The following KIAA0408 variants were observed in gnomAD, a reference collection of about 807,000 sequenced individuals.
KIAA0408 encodes uncharacterized protein KIAA0408.
In KIAA0408, 51 loss-of-function variants were observed where a neutral mutation model predicts 60.9. That is an observed-to-expected ratio of 0.84 (90% CI 0.67 to 1.06). The LOEUF (loss-of-function observed/expected upper bound fraction) is 1.06. Ranked by LOEUF, KIAA0408 falls within the 50% of genes least tolerant of loss-of-function variation. The probability of loss-of-function intolerance (pLI) is 0.00; values close to 1 mark genes in which losing one functional copy is unlikely to be tolerated. For missense variants in KIAA0408, 787 were observed against 833.9 expected (o/e 0.94, Z 0.69); for synonymous variants, 304 against 282.4 (o/e 1.08, Z -0.77).
Position 127,447,221 on chromosome 6 carries a change from C to T in KIAA0408, c.1098G>A (p.Gly366=), listed in dbSNP as rs914231949. ...TAGAGGGGCTCCTTTTTGCACCTAT[C>T]CCAATGTCACATGACCACATGCTAA... ...VGLSMWSCDI[G]IGAKRSPSTS... The change falls in exon 5 of 6, where the codon GGG becomes GGA. Residue 366 remains glycine (G), a synonymous_variant. Transcript: ENST00000483725. 2.7e-5 allele frequency: 44 copies of T among 1,611,954 alleles called. No homozygotes were observed. The highest frequency in any genetic ancestry group is 3.4e-5 in the Non-Finnish European group (40 of 1,179,332).
Position 127,446,820 on chromosome 6 carries a change from T to A in KIAA0408, c.1499A>T (p.His500Leu), listed in dbSNP as rs765834146. 1.1e-5 allele frequency: 17 copies of A among 1,614,056 alleles called. 1 individual carries two copies. The highest frequency in any genetic ancestry group is 1.4e-5 in the Non-Finnish European group (17 of 1,179,982). ...DVSGIWKTNA[H>L]MPVPMENVPD... ...CACATTTTCCATGGGCACAGGCATG[T>A]GGGCATTGGTTTTCCAAATACCGGA... Residue 500 changes from histidine (H) to leucine (L), a missense_variant, in exon 5 of 6, where the codon CAC becomes CTC. Physicochemically the swap from His to Leu is moderately conservative, Grantham distance 99. This residue lies in a region of KIAA0408 where 640 missense variants were observed against 681.3 expected (regional missense o/e 0.94). Coordinates refer to ENST00000483725, the MANE Select transcript of KIAA0408 (RefSeq NM_014702.5).
rs766158768 is a variant in KIAA0408 at position 127,449,833 on chromosome 6, A to G, written c.567T>C (p.Ser189=). Residue 189 remains serine (S), a synonymous_variant, in exon 4 of 6, where the codon TCT becomes TCC. Coordinates refer to ENST00000483725, the MANE Select transcript of KIAA0408 (RefSeq NM_014702.5). The part of the protein sequence containing the change: ...CSFQEEIRKR[S]NHRRMKSDSF... Reference sequence around the variant, plus strand: ...ATGTACCAGCCTACCTTCTATGGTTAGACCGCTTTCGAATTTCCTCTTGAA... The same window carrying G: ...ATGTACCAGCCTACCTTCTATGGTTGGACCGCTTTCGAATTTCCTCTTGAA... 15 of 1,614,038 alleles carry G rather than the reference A, an allele frequency of 9.3e-6. No homozygotes were observed. The highest frequency in any genetic ancestry group is 1.2e-5 in the Non-Finnish European group (14 of 1,179,950).
intron 2 of KIAA0408, among the ~76,000 whole-genome samples, chr6:127,452,579 C>A (rs1367963184): frequency 2.0e-5 from 3 of 152,152 alleles, no homozygotes; most frequent in African/African-American, 4.8e-5. Context: ...ACAGCAGCTT[C>A]TTTTAACTAC....
intron 1 of KIAA0408, among the ~76,000 whole-genome samples, chr6:127,456,899 C>A (rs1029192455): frequency 6.6e-6 from 1 of 151,948 alleles, no homozygotes; most frequent in Admixed American, 6.6e-5. Flanking sequence ...ATACTTGGTT[C>A]TTGTTTTCTT....
In KIAA0408 at chr6:127,441,694, CA is replaced by C. The variant is rs1367121404; in HGVS notation, c.*2414del. 9.2e-5 allele frequency: 14 copies of C among 152,128 alleles called. No homozygotes were observed. Among genetic ancestry groups the C allele is most frequent in the African/African-American group, 3.4e-4 (14 of 41,430 alleles). The allele number at this position is 152,128 out of a possible 1,614,324, so 9.4% of individuals were successfully genotyped here. A position where few individuals can be genotyped will look rare whatever the true frequency, so the allele number is the denominator to read the frequency against. On this transcript the variant is annotated 3_prime_UTR_variant, in exon 6 of 6. Coordinates refer to ENST00000483725, the MANE Select transcript of KIAA0408 (RefSeq NM_014702.5). ...GTAGAAATTTACCAGTTAAAAATCA[CA>C]AAACATCAAAAACTATTTTCAAGGA...
chr6:127,449,822 C>T lies in KIAA0408; in HGVS notation c.578G>A (p.Arg193Lys), dbSNP rs1346755402. Residue 193 changes from arginine (R) to lysine (K), a missense_variant and splice_region_variant, in exon 4 of 6, where the codon AGG becomes AAG. Physicochemically the swap from Arg to Lys is conservative, Grantham distance 26. Around this residue, in one of 3 missense-constraint regions of KIAA0408, gnomAD observed 640 missense variants for 681.3 expected, o/e 0.94. Coordinates refer to ENST00000483725, the MANE Select transcript of KIAA0408 (RefSeq NM_014702.5). ...EEIRKRSNHRRMKSDSFLQEM... is the reference protein window; with the variant it reads ...EEIRKRSNHRKMKSDSFLQEM... ...AAAATAATCAGATGTACCAGCCTAC[C>T]TTCTATGGTTAGACCGCTTTCGAAT... 6.2e-7 allele frequency: 1 copy of T among 1,613,734 alleles called. No homozygotes were observed. Among genetic ancestry groups the T allele is most frequent in the African/African-American group, 1.3e-5 (1 of 74,874 alleles).
intron 2 of KIAA0408, chr6:127,450,704 A>C (rs1773287909): frequency 5.5e-6 from 1 of 180,572 alleles, no homozygotes; most frequent in South Asian, 1.3e-4. Context: ...AATTGCTTTC[A>C]GAGAGATGCA....
In KIAA0408 at chr6:127,442,415, G is replaced by C. The variant is rs1334600331; in HGVS notation, c.*1694C>G. 1 of 152,144 alleles carries C rather than the reference G, an allele frequency of 6.6e-6. No homozygotes were observed. Among genetic ancestry groups the C allele is most frequent in the Admixed American group, 6.5e-5 (1 of 15,278 alleles). 9.4% of individuals were successfully genotyped at this position (152,144 alleles called of 1,614,324 possible). ...GCATATTATGAGAGTGATATTACTTGGTGTCTAGTTTACTTTTCTTTGATA... is the reference window on the plus strand; with the variant it reads ...GCATATTATGAGAGTGATATTACTTCGTGTCTAGTTTACTTTTCTTTGATA... On this transcript the variant is annotated 3_prime_UTR_variant, in exon 6 of 6. Transcript: ENST00000483725.
rs1165579205 is a variant in KIAA0408, at chr6:127,442,062, G to C, written c.*2047C>G. On this transcript the variant is annotated 3_prime_UTR_variant, in exon 6 of 6. Transcript: ENST00000483725. ...CATTCAGAGATCAAGCAATGTCACT[G>C]TTTTCAAATCTGCCTGATCATCAAT... 6.6e-6 allele frequency: 1 copy of C among 152,168 alleles called. No individual in the cohort carries two copies. The highest frequency in any genetic ancestry group is 1.5e-5 in the Non-Finnish European group (1 of 68,034). 9.4% of individuals were successfully genotyped at this position (152,168 alleles called of 1,614,324 possible). A position where few individuals can be genotyped will look rare whatever the true frequency, so the allele number is the denominator to read the frequency against.
At position 127,447,434 on chromosome 6, in the gene KIAA0408, G is replaced by A; in HGVS notation, c.885C>T (p.His295=). The A allele has an allele frequency of 1.2e-6, 2 of 1,613,902 alleles. No homozygotes were observed. Among genetic ancestry groups the A allele is most frequent in the African/African-American group, 1.3e-5 (1 of 75,022 alleles). Residue 295 remains histidine, a synonymous_variant, in exon 5 of 6, where the codon CAC becomes CAT. Transcript: ENST00000483725. ...GACCCTCATGGGGCACCCAGCTGTT[G>A]TGGTCTAACCTTTCCTTCCATCTTT... is the stretch of plus-strand genomic sequence containing the variant. ...AYERWKERLD[H]NSWVPHEGRS... is the part of the protein sequence containing the mutation.
rs1773140539 is a variant in KIAA0408, at chr6:127,443,656, T to A, written c.*453A>T. Reference sequence around the variant, plus strand: ...TACCTATTAAAAGGTATACAAAATATAAACAGTACTGCATATTTTCAAAAC... The same window carrying A: ...TACCTATTAAAAGGTATACAAAATAAAAACAGTACTGCATATTTTCAAAAC... On this transcript the variant is annotated 3_prime_UTR_variant, in exon 6 of 6. Transcript: ENST00000483725. 6.5e-6 allele frequency: 1 copy of A among 154,086 alleles called. No individual in the cohort carries two copies. Among genetic ancestry groups the A allele is most frequent in the South Asian group, 2.0e-4 (1 of 4,956 alleles). The allele number at this position is 154,086 out of a possible 1,614,324, so 9.5% of individuals were successfully genotyped here.
At position 127,444,285 on chromosome 6, in the gene KIAA0408, A is replaced by G. The variant is rs1251168546; in HGVS notation, c.1912-3T>C. 6.4e-7 allele frequency: 1 copy of G among 1,571,218 alleles called. No individual in the cohort carries two copies. Among genetic ancestry groups the G allele is most frequent in the South Asian group, 1.2e-5 (1 of 83,358 alleles). On this transcript the variant is annotated splice_polypyrimidine_tract_variant and splice_region_variant and intron_variant, in intron 5 of 5. Coordinates refer to ENST00000483725, the MANE Select transcript of KIAA0408 (RefSeq NM_014702.5). Reference sequence around the variant, plus strand: ...GAGGCGTTCACTGACATGGATTCCTAGGACACAAGTAAAAACATTCCTCTC... The same window carrying G: ...GAGGCGTTCACTGACATGGATTCCTGGGACACAAGTAAAAACATTCCTCTC...
Position 127,444,156 on chromosome 6 carries a change from T to A in KIAA0408, c.2038A>T (p.Thr680Ser). 1 of 1,613,990 alleles carries A rather than the reference T, an allele frequency of 6.2e-7. No individual in the cohort carries two copies. Among genetic ancestry groups the A allele is most frequent in the African/African-American group, 1.3e-5 (1 of 75,022 alleles). ...CGCAGAGAAATGGTATAGTTGTGGG[T>A]AGTTCTCCGCAAGGCAGGGGGTGCA... ...PSAPPALRRTTHNYTISLRSE... is the reference protein window; with the variant it reads ...PSAPPALRRTSHNYTISLRSE... The change falls in exon 6 of 6, where the codon ACC (threonine) becomes TCC (serine). Residue 680 changes from threonine to serine, a missense_variant. Physicochemically the swap from Thr to Ser is moderately conservative, Grantham distance 58 (BLOSUM62 1). Around this residue, in one of 3 missense-constraint regions of KIAA0408, gnomAD observed 133 missense variants for 119.2 expected, o/e 1.12. Transcript: ENST00000483725.
intron 5 of KIAA0408, among the ~76,000 whole-genome samples, chr6:127,446,113 AT>A (rs898665501): frequency 6.6e-6 from 1 of 152,202 alleles, no homozygotes; most frequent in Admixed American, 6.5e-5. Context: ...CATTCTGAGT[AT>A]TTTTTCAAGA....
Position 127,441,411 on chromosome 6 carries a change from C to T in KIAA0408, c.*2698G>A, listed in dbSNP as rs976503853. Reference sequence around the variant, plus strand: ...AGAACTTATGTGACACTGACACAAACACACACACACACACACACACACAAA... The same window carrying T: ...AGAACTTATGTGACACTGACACAAATACACACACACACACACACACACAAA... On this transcript the variant is annotated 3_prime_UTR_variant, in exon 6 of 6. Transcript: ENST00000483725. 6.8e-6 allele frequency: 1 copy of T among 146,682 alleles called. No individual in the cohort carries two copies. Among genetic ancestry groups the T allele is most frequent in the Admixed American group, 6.8e-5 (1 of 14,634 alleles). The allele number at this position is 146,682 out of a possible 1,614,324, so 9.1% of individuals were successfully genotyped here.
chr6:127,454,336 T>G (rs904819567), intron 1 of KIAA0408: 1 of 179,574 alleles, frequency 5.6e-6, no homozygotes, highest in African/African-American at 2.4e-5. Flanking sequence ...GTGGACAAGA[T>G]GATTAAATGC....
chr6:127,456,555 A>G (rs1773396173), intron 1 of KIAA0408, among the ~76,000 whole-genome samples: 1 of 152,130 alleles, frequency 6.6e-6, no homozygotes, highest in African/African-American at 2.4e-5. Context: ...ATGGAGAAGG[A>G]CCAATGTATG....
In KIAA0408 at chr6:127,446,497, G is replaced by A. The variant is rs1378798080; in HGVS notation, c.1822C>T (p.Leu608Phe). The change falls in exon 5 of 6, where the codon CTC becomes TTC. Residue 608 changes from leucine (L) to phenylalanine (F), a missense_variant. Around this residue, in one of 3 missense-constraint regions of KIAA0408, gnomAD observed 133 missense variants for 119.2 expected, o/e 1.12. Coordinates refer to ENST00000483725, the MANE Select transcript of KIAA0408 (RefSeq NM_014702.5). ...TGCTGAAACTGTTGTTCCATTTGGAGCATTTCTAAATGCTGACTTAATGTG... is the reference window on the plus strand; with the variant it reads ...TGCTGAAACTGTTGTTCCATTTGGAACATTTCTAAATGCTGACTTAATGTG... The part of the protein sequence containing the change: ...GATLSQHLEM[L>F]QMEQQFQQKT... 1.2e-6 allele frequency: 2 copies of A among 1,614,102 alleles called. No individual in the cohort carries two copies. Among genetic ancestry groups the A allele is most frequent in the Non-Finnish European group, 1.7e-6 (2 of 1,180,006 alleles).
chr6:127,450,061 C>G lies in KIAA0408; in HGVS notation c.427G>C (p.Glu143Gln). 1 of 1,614,138 alleles carries G rather than the reference C, an allele frequency of 6.2e-7. No individual in the cohort carries two copies. Reference protein sequence around the residue: ...LDPLATDNQKECEAWPDLRTS... With the variant: ...LDPLATDNQKQCEAWPDLRTS... Reference sequence around the variant, plus strand: ...CTCAGGTCAGGCCAGGCCTCACATTCCTTTTGGTTGTCTGTAGCCAAAGGA... The same window carrying G: ...CTCAGGTCAGGCCAGGCCTCACATTGCTTTTGGTTGTCTGTAGCCAAAGGA... Residue 143 changes from glutamate (E) to glutamine (Q), a missense_variant, in exon 3 of 6, where the codon GAA becomes CAA. By Grantham distance (29) the Glu-to-Gln change is conservative. This residue lies in a region of KIAA0408 where 640 missense variants were observed against 681.3 expected (regional missense o/e 0.94). Coordinates refer to ENST00000483725, the MANE Select transcript of KIAA0408 (RefSeq NM_014702.5).
Sources: gnomAD v4.1 joint callset for allele counts (sites outside exome capture counted in the v4.1 genomes callset) on GRCh38, gnomAD v4.1.1 for gene constraint, gnomAD v4.1.1 regional missense constraint, MANE v1.5 for transcripts, NCBI Gene and HGNC (gene_info 2026-07-23, HGNC 2026-07-21) for gene names.